Variants in TNC observed in about 807,000 individuals in gnomAD.
TNC encodes tenascin.
A neutral mutation model predicts 202.4 loss-of-function variants in TNC; 109 were observed. That is an observed-to-expected ratio of 0.54 (90% CI 0.46 to 0.63). The LOEUF (loss-of-function observed/expected upper bound fraction) is 0.63. TNC is among the 30% of genes least tolerant of loss of function. The pLI, the probability that TNC is intolerant of heterozygous loss-of-function variation, is 0.00. For synonymous variants in TNC, 1,007 were observed against 1,089.7 expected (o/e 0.92, Z 1.50); for missense variants, 2,756 against 2,833.3 (o/e 0.97, Z 0.62).
At chr9:115,106,473 T>C (rs1457126385) in intron 1 of TNC, among the ~76,000 whole-genome samples, 1 of 152,174 alleles carries the variant, frequency 6.6e-6, no homozygotes, top group Non-Finnish European at 1.5e-5. Flanking sequence ...ATTTGCAAAA[T>C]GGAACAAGGT....
At chr9:115,102,817 C>G (rs190487005) in intron 1 of TNC, among the ~76,000 whole-genome samples, 1 of 152,256 alleles carries the variant, frequency 6.6e-6, no homozygotes, top group Non-Finnish European at 1.5e-5. Flanking sequence ...ATGCACAACA[C>G]AAAACACTTT....
intron 17 of TNC, among the ~76,000 whole-genome samples, chr9:115,045,653 AT>A (rs1831127845): frequency 7.1e-6 from 1 of 140,622 alleles, no homozygotes; most frequent in East Asian, 2.2e-4. Context: ...AAATGCTGGG[AT>A]TACAGGTGTG....
intron 11 of TNC, 45 bp from the exon 12 acceptor site, chr9:115,064,113 A>G (rs755812690): frequency 6.5e-7 from 1 of 1,527,936 alleles, no homozygotes; most frequent in African/African-American, 1.4e-5. Flanking sequence ...ATCACACAAC[A>G]AGATCCAGGG....
rs78452483 is a variant in TNC at position 115,092,123 on chromosome 9, T to G, written c.-136-969A>C. Among the ~76,000 whole-genome samples the G allele has an allele frequency of 6.6e-3, 1,010 of 152,278 alleles. 12 individuals carry two copies. The highest frequency in any genetic ancestry group is 0.024 in the African/African-American group (981 of 41,550). On this transcript the variant is annotated intron_variant, in intron 1 of 27. Transcript: ENST00000350763. ...ACTTAAGGAGCAAAGCAAGAAAGAA[T>G]GTATAGGATTTGTTTTGTGGTATAG...
intron 10 of TNC, among the ~76,000 whole-genome samples, chr9:115,068,017 G>A (rs1833084785): frequency 6.6e-6 from 1 of 152,092 alleles, no homozygotes; most frequent in African/African-American, 2.4e-5. Flanking sequence ...CTAAATTAAA[G>A]AGAGAGGGGG....
chr9:115,095,857 T>C, intron 1 of TNC, among the ~76,000 whole-genome samples: 1 of 151,476 alleles, frequency 6.6e-6, no homozygotes, highest in Non-Finnish European at 1.5e-5. Flanking sequence ...TGTGTGTATA[T>C]CTTTGATGGT....
chr9:115,044,706 C>T (rs772595589), intron 17 of TNC, among the ~76,000 whole-genome samples: 14 of 152,104 alleles, frequency 9.2e-5, no homozygotes, highest in South Asian at 2.1e-4. Flanking sequence ...GATCTGGAGT[C>T]GTTTTATGGG....
intron 22 of TNC, among the ~76,000 whole-genome samples, chr9:115,033,855 G>A (rs752484120): frequency 6.6e-6 from 1 of 152,210 alleles, no homozygotes; most frequent in Non-Finnish European, 1.5e-5. Context: ...GACCATGGAG[G>A]GGAATGAATG....
chr9:115,077,730 C>A (rs1393570636), intron 7 of TNC, among the ~76,000 whole-genome samples: 5 of 152,066 alleles, frequency 3.3e-5, no homozygotes, highest in Non-Finnish European at 7.4e-5. Context: ...CATATGTCCC[C>A]CACCCCCAAA....
At chr9:115,034,303 C>G (rs1476692684) in intron 22 of TNC, among the ~76,000 whole-genome samples, 2 of 152,220 alleles carry the variant, frequency 1.3e-5, no homozygotes, top group African/African-American at 2.4e-5. Context: ...GGTACTTGCC[C>G]AATCATTCTG....
chr9:115,071,689 A>AG (rs1833478803), intron 10 of TNC, among the ~76,000 whole-genome samples: 1 of 152,082 alleles, frequency 6.6e-6, no homozygotes, highest in African/African-American at 2.4e-5. Context: ...AAGCTAAGGG[A>AG]GAGGGGCAGA....
intron 25 of TNC, among the ~76,000 whole-genome samples, chr9:115,028,800 T>C (rs954334618): frequency 6.6e-6 from 1 of 151,804 alleles, no homozygotes; most frequent in Non-Finnish European, 1.5e-5. Context: ...AAATTGACCA[T>C]TCTCTTTTTT....
At chr9:115,032,123 T>G (rs1356651471) in intron 22 of TNC, among the ~76,000 whole-genome samples, 1 of 149,768 alleles carries the variant, frequency 6.7e-6, no homozygotes, top group South Asian at 2.1e-4. Context: ...GTGAAGGGGG[T>G]TTTTTTTTGG....
intron 2 of TNC, among the ~76,000 whole-genome samples, chr9:115,089,504 ATC>A (rs1040712742): frequency 7.2e-6 from 1 of 139,578 alleles, no homozygotes; most frequent in African/African-American, 2.7e-5. Flanking sequence ...CTCTCTCTCT[ATC>A]TCTTTTTTTT....
intron 14 of TNC, among the ~76,000 whole-genome samples, chr9:115,058,868 G>A (rs781701965): frequency 3.7e-4 from 56 of 152,294 alleles, no homozygotes; most frequent in Middle Eastern, 3.4e-3. Context: ...GCAGGCCCCC[G>A]GGAAACACTG....
At position 115,042,259 on chromosome 9, in the gene TNC, T is replaced by C; in HGVS notation, c.5208A>G (p.Gln1736=). The C allele has an allele frequency of 6.2e-7, 1 of 1,614,132 alleles. No individual in the cohort carries two copies. The highest frequency in any genetic ancestry group is 8.5e-7 in the Non-Finnish European group (1 of 1,179,986). The change falls in exon 18 of 28, where the codon CAA becomes CAG. Residue 1736 remains glutamine (Q), a synonymous_variant. Transcript: ENST00000350763. ...ATVSWRAPTA[Q]VESFRITYVP... The stretch of plus-strand genomic sequence containing the variant: ...CATAGGTAATCCGGAAGCTCTCCAC[T>C]TGGGCTGTGGGTGCCCTCCAGCTGA...
chr9:115,085,579 T>G (rs1002411410), intron 3 of TNC, among the ~76,000 whole-genome samples: 2 of 152,160 alleles, frequency 1.3e-5, no homozygotes, highest in African/African-American at 4.8e-5. Flanking sequence ...TGTAGATGAG[T>G]TAGGCAGACT....
At chr9:115,038,853 A>C (rs1830528421) in intron 19 of TNC, among the ~76,000 whole-genome samples, 1 of 150,872 alleles carries the variant, frequency 6.6e-6, no homozygotes, top group Non-Finnish European at 1.5e-5. Context: ...TTTGAGACAG[A>C]CTGTCACTCT....
chr9:115,098,918 G>C (rs902801851), intron 1 of TNC, among the ~76,000 whole-genome samples: 1 of 147,128 alleles, frequency 6.8e-6, no homozygotes, highest in Non-Finnish European at 1.5e-5. Context: ...AGAGGAGCCA[G>C]GAAACAGCCT....
Sources: allele counts gnomAD v4.1 joint callset (sites outside exome capture counted in the v4.1 genomes callset), GRCh38; gene constraint gnomAD v4.1.1; transcripts MANE v1.5; gene names NCBI Gene and HGNC (gene_info 2026-07-23, HGNC 2026-07-21).